The following ACO2 variants were observed in gnomAD, a reference collection of about 807,000 sequenced individuals.
ACO2 encodes the protein aconitate hydratase, mitochondrial.
Under a neutral mutation model 84.5 loss-of-function variants are expected in ACO2, and 31 were observed. The observed-to-expected ratio is 0.37, with a 90% CI of 0.28 to 0.50. The LOEUF (loss-of-function observed/expected upper bound fraction) is 0.50, where lower values mean the gene tolerates loss of function less well. ACO2 is among the 20% of genes least tolerant of loss of function. The pLI is 0.97. For missense variants in ACO2, 685 were observed against 1,029.3 expected, an observed-to-expected ratio of 0.67 and a Z score of 4.58; for synonymous variants, 414 against 412.7, an observed-to-expected ratio of 1.00 and a Z score of -0.04.
chr22:41,487,373 A>G (rs2062863158), intron 1 of ACO2, among the ~76,000 whole-genome samples: 5 of 152,196 alleles, frequency 3.3e-5, no homozygotes, highest in Admixed American at 3.3e-4. Flanking sequence ...TTAACTTTTT[A>G]TCACAGCACT....
At chr22:41,523,388 C>G in intron 11 of ACO2, 110 bp downstream of exon 11, 2 of 835,962 alleles carry the variant, frequency 2.4e-6, no homozygotes, top group Non-Finnish European at 1.8e-6. Flanking sequence ...GCCAAGGTCT[C>G]TAGCTCCAGG....
At position 41,515,523 on chromosome 22, in the gene ACO2, G is replaced by C; in HGVS notation, c.672G>C (p.Leu224=). The C allele has an allele frequency of 6.2e-7, 1 of 1,611,180 alleles. No homozygotes were observed. Among genetic ancestry groups the C allele is most frequent in the Non-Finnish European group, 8.5e-7 (1 of 1,178,478 alleles). The change falls in exon 5 of 18, where the codon CTG becomes CTC. Residue 224 remains leucine, a synonymous_variant. Transcript: ENST00000216254. The surrounding 1 kb of genome is among the most constrained non-coding windows in gnomAD (Gnocchi z 5.8). ...VDVMAGIPWE[L]KCPKVIGVKL... ...TCATGGCTGGGATCCCCTGGGAGCTGAAGTGCCCCAAGGTGAGGGTGGGGA... is the reference window on the plus strand; with the variant it reads ...TCATGGCTGGGATCCCCTGGGAGCTCAAGTGCCCCAAGGTGAGGGTGGGGA...
chr22:41,514,351 G>T (rs974456556), intron 4 of ACO2, among the ~76,000 whole-genome samples: 2 of 152,236 alleles, frequency 1.3e-5, no homozygotes, highest in African/African-American at 4.8e-5. Flanking sequence ...AAATAAAAAT[G>T]TTGCTTCCCG....
intron 1 of ACO2, among the ~76,000 whole-genome samples, chr22:41,483,895 A>C (rs1042797502): frequency 6.6e-6 from 1 of 152,184 alleles, no homozygotes; most frequent in Non-Finnish European, 1.5e-5. Context: ...TATTCTAAGG[A>C]TACTAATGGA....
intron 1 of ACO2, among the ~76,000 whole-genome samples, chr22:41,476,484 G>A (rs2038015215): frequency 6.6e-6 from 1 of 150,788 alleles, no homozygotes; most frequent in Admixed American, 6.6e-5. Flanking sequence ...AAGGCAGGCA[G>A]ATCACCTGAG....
In ACO2 at chr22:41,528,710, A is replaced by G. The variant is rs975000708; in HGVS notation, c.*97A>G. ...TCCAGCCATGGCTTCCTATTCCAAG[A>G]TGGTGTGACCAGACATGCTTCCTGC... is the stretch of plus-strand genomic sequence containing the variant. On this transcript the variant is annotated 3_prime_UTR_variant, in exon 18 of 18. Transcript: ENST00000216254. The G allele has an allele frequency of 1.1e-5, 17 of 1,499,906 alleles. No homozygotes were observed. In the East Asian group the frequency reaches 1.2e-4, roughly 11 times the overall value. 92.9% of individuals were successfully genotyped at this position (1,499,906 alleles called of 1,614,324 possible). A position where few individuals can be genotyped will look rare whatever the true frequency, so the allele number is the denominator to read the frequency against.
chr22:41,478,174 C>T (rs369091682), intron 1 of ACO2, among the ~76,000 whole-genome samples: 2 of 152,030 alleles, frequency 1.3e-5, no homozygotes, highest in East Asian at 1.9e-4. Flanking sequence ...GATAGAGTCT[C>T]GCTCTGTTGC....
At position 41,517,583 on chromosome 22, in the gene ACO2, C is replaced by G; in HGVS notation, c.892C>G (p.Pro298Ala). 1 of 1,614,106 alleles carries G rather than the reference C, an allele frequency of 6.2e-7. No individual in the cohort carries two copies. Among genetic ancestry groups the G allele is most frequent in the South Asian group, 1.1e-5 (1 of 91,084 alleles). Residue 298 changes from proline (P) to alanine (A), a missense_variant, in exon 7 of 18, where the codon CCT (proline) becomes GCT (alanine). By Grantham distance (27) the Pro-to-Ala change is conservative. Coordinates refer to ENST00000216254, the MANE Select transcript of ACO2 (RefSeq NM_001098.3). Reference sequence around the variant, plus strand: ...AATTGGGGCCACCACTTCCGTGTTCCCTTACAACCACAGGATGAAGAAGTA... The same window carrying G: ...AATTGGGGCCACCACTTCCGTGTTCGCTTACAACCACAGGATGAAGAAGTA... ...AEIGATTSVF[P>A]YNHRMKKYLS...
At chr22:41,506,593 C>T (rs1048568265) in intron 2 of ACO2, among the ~76,000 whole-genome samples, 1 of 152,140 alleles carries the variant, frequency 6.6e-6, no homozygotes, top group African/African-American at 2.4e-5. Flanking sequence ...ACTCTGTTGT[C>T]CAGGCTGATC....
chr22:41,484,887 T>C (rs1227785288), intron 1 of ACO2, among the ~76,000 whole-genome samples: 1 of 150,316 alleles, frequency 6.7e-6, no homozygotes, highest in Non-Finnish European at 1.5e-5. Context: ...TTTTTTTTTT[T>C]TTTTGAGATG....
intron 1 of ACO2, among the ~76,000 whole-genome samples, chr22:41,493,021 A>G (rs2146098438): frequency 6.6e-6 from 1 of 152,304 alleles, no homozygotes; most frequent in Non-Finnish European, 1.5e-5. Context: ...GAGGGGCTGC[A>G]TCTGGTGAGG....
At chr22:41,492,213 A>G (rs1167801164) in intron 1 of ACO2, among the ~76,000 whole-genome samples, 1 of 152,272 alleles carries the variant, frequency 6.6e-6, no homozygotes. Context: ...AAAGCAGGGT[A>G]AATACCCAAA....
chr22:41,527,068 A>G (rs2146148123), intron 15 of ACO2: 1 of 639,504 alleles, frequency 1.6e-6, no homozygotes, highest in Non-Finnish European at 2.7e-6. Flanking sequence ...TGCCACTGCA[A>G]ACAACCACGT....
rs1053429093 is a variant in ACO2, at chr22:41,528,752, G to A, written c.*139G>A. On this transcript the variant is annotated 3_prime_UTR_variant, in exon 18 of 18. Coordinates refer to ENST00000216254, the MANE Select transcript of ACO2 (RefSeq NM_001098.3). Reference sequence around the variant, plus strand: ...GCTTCCTGCTCCCCGCTTAGCCCACGGAGTGACTGTGGTTGTGGTGGGGGG... The same window carrying A: ...GCTTCCTGCTCCCCGCTTAGCCCACAGAGTGACTGTGGTTGTGGTGGGGGG... The A allele has an allele frequency of 6.0e-5, 76 of 1,260,646 alleles. 1 individual carries two copies. In the South Asian group the frequency reaches 6.4e-4, roughly 11 times the overall value. The allele number at this position is 1,260,646 out of a possible 1,614,324, so 78.1% of individuals were successfully genotyped here. A position where few individuals can be genotyped will look rare whatever the true frequency, so the allele number is the denominator to read the frequency against.
chr22:41,523,081 G>A, intron 10 of ACO2, 94 bp downstream of exon 10: 1 of 1,567,686 alleles, frequency 6.4e-7, no homozygotes, highest in South Asian at 1.2e-5. Context: ...GGCCGGGGCT[G>A]GGGCAGGTCC....
intron 1 of ACO2, among the ~76,000 whole-genome samples, chr22:41,497,749 G>A (rs985737672): frequency 6.6e-6 from 1 of 152,088 alleles, no homozygotes; most frequent in South Asian, 2.1e-4. Context: ...AAAGTGTGGC[G>A]GCGTGTGCCT....
intron 7 of ACO2, among the ~76,000 whole-genome samples, chr22:41,518,042 T>C (rs1439548474): frequency 6.6e-6 from 1 of 152,186 alleles, no homozygotes; most frequent in East Asian, 1.9e-4. Context: ...CCCTGACAAC[T>C]TCCCTGAGGC....
intron 1 of ACO2, among the ~76,000 whole-genome samples, chr22:41,496,608 G>A (rs1478047840): frequency 7.2e-5 from 11 of 152,174 alleles, no homozygotes. Context: ...CCGTCACAGG[G>A]ATAGCGTTTA....
At chr22:41,513,031 C>G (rs2146121588) in intron 4 of ACO2, among the ~76,000 whole-genome samples, 1 of 152,314 alleles carries the variant, frequency 6.6e-6, no homozygotes, top group South Asian at 2.1e-4. Flanking sequence ...GAAACCAGAG[C>G]CAGCAGGGGA....
Sources: allele counts gnomAD v4.1 joint callset (sites outside exome capture counted in the v4.1 genomes callset), GRCh38; gene constraint gnomAD v4.1.1; non-coding constraint Gnocchi (gnomAD v3.1); transcripts MANE v1.5; gene names NCBI Gene and HGNC (gene_info 2026-07-23, HGNC 2026-07-21).